The following DYRK1B variants were observed in gnomAD, a reference collection of about 807,000 sequenced individuals.
DYRK1B encodes the protein dual specificity tyrosine-phosphorylation-regulated kinase 1B.
In DYRK1B, 20 loss-of-function variants were observed where a neutral mutation model predicts 57.1. The observed-to-expected ratio is 0.35, with a 90% CI of 0.25 to 0.51. DYRK1B has a LOEUF of 0.51. DYRK1B is among the 20% of genes least tolerant of loss of function. The pLI is 0.96. For synonymous variants in DYRK1B, 409 were observed against 384.7 expected (o/e 1.06, Z -0.74); for missense variants, 732 against 886.3 (o/e 0.83, Z 2.21).
At chr19:39,833,491 G>C in intron 1 of DYRK1B, 1 of 302,118 alleles carries the variant, frequency 3.3e-6, no homozygotes, top group Non-Finnish European at 4.9e-6. Flanking sequence ...GGGGACAAGG[G>C]TCAGCCCAGG....
intron 4 of DYRK1B, 100 bp downstream of exon 4, chr19:39,830,275 G>C: frequency 6.8e-7 from 1 of 1,473,118 alleles, no homozygotes. Flanking sequence ...AAGTGGGCTA[G>C]GGTGAGTGGC....
At position 39,826,603 on chromosome 19, in the gene DYRK1B, TC is replaced by T; in HGVS notation, c.1411+68del. The stretch of plus-strand genomic sequence containing the variant: ...TTTGTGTGAAGACCCAGTAACCAGG[TC>T]CCCCAGGACAGGCCAAACCTGAGCA... On this transcript the variant is annotated intron_variant, in intron 9 of 10. Coordinates refer to ENST00000323039, the MANE Select transcript of DYRK1B (RefSeq NM_004714.3). This position sits in a 1 kb window ranked among gnomAD's most constrained non-coding sequence, Gnocchi z 6.3. The T allele has an allele frequency of 1.4e-6, 2 of 1,438,038 alleles. No individual in the cohort carries two copies. Among genetic ancestry groups the T allele is most frequent in the Non-Finnish European group, 1.8e-6 (2 of 1,089,162 alleles). The allele number at this position is 1,438,038 out of a possible 1,614,324, so 89.1% of individuals were successfully genotyped here.
intron 2 of DYRK1B, 91 bp downstream of exon 2, chr19:39,831,714 T>C: frequency 6.7e-7 from 1 of 1,488,734 alleles, no homozygotes; most frequent in Non-Finnish European, 9.1e-7. Context: ...AAGAATGTCT[T>C]GGGCAACCAC....
rs1214558246 is a variant in DYRK1B at position 39,828,187 on chromosome 19, C to T, written c.807+110G>A. ...CCACCCCAAGCATTATCCCTCAGTT[C>T]CCACGGCTCCTAATAATCCCATCCC... On this transcript the variant is annotated intron_variant, in intron 6 of 10. Coordinates refer to ENST00000323039, the MANE Select transcript of DYRK1B (RefSeq NM_004714.3). This position sits in a 1 kb window ranked among gnomAD's most constrained non-coding sequence, Gnocchi z 4.3. 7.2e-6 allele frequency: 9 copies of T among 1,244,078 alleles called. No homozygotes were observed. Among genetic ancestry groups the T allele is most frequent in the African/African-American group, 1.5e-5 (1 of 67,278 alleles). 77.1% of individuals were successfully genotyped at this position (1,244,078 alleles called of 1,614,324 possible).
At chr19:39,831,676 A>G in intron 2 of DYRK1B, 129 bp downstream of exon 2, 1 of 1,211,836 alleles carries the variant, frequency 8.3e-7, no homozygotes, top group South Asian at 1.4e-5. Flanking sequence ...GTTATTTTCC[A>G]ATCCCATGGG....
Position 39,828,650 on chromosome 19 carries a change from G to T in DYRK1B, c.521-67C>A. Reference sequence around the variant, plus strand: ...CAGAGAGGGCAGGTGGTGGCCTGGGGTCATACAACGCTCTTTGATTACTAG... The same window carrying T: ...CAGAGAGGGCAGGTGGTGGCCTGGGTTCATACAACGCTCTTTGATTACTAG... On this transcript the variant is annotated intron_variant, in intron 5 of 10. Coordinates refer to ENST00000323039, the MANE Select transcript of DYRK1B (RefSeq NM_004714.3). The surrounding 1 kb of genome is among the most constrained non-coding windows in gnomAD (Gnocchi z 4.3). The T allele has an allele frequency of 1.3e-6, 2 of 1,493,956 alleles. No individual in the cohort carries two copies. Among genetic ancestry groups the T allele is most frequent in the Non-Finnish European group, 1.8e-6 (2 of 1,100,422 alleles). 92.5% of individuals were successfully genotyped at this position (1,493,956 alleles called of 1,614,324 possible).
rs770439991 is a variant in DYRK1B, at chr19:39,826,208, A to T, written c.1490T>A (p.Ile497Asn). 1.9e-6 allele frequency: 3 copies of T among 1,575,188 alleles called. No homozygotes were observed. The highest frequency in any genetic ancestry group is 1.7e-6 in the Non-Finnish European group (2 of 1,162,968). Reference protein sequence around the residue: ...NRYCGGPGPPITDCEMNSPQV... With the variant: ...NRYCGGPGPPNTDCEMNSPQV... ...GGGGCTGTTCATCTCACAGTCTGTGATAGGGGGCCCAGGGCCCCCACAATA... is the reference window on the plus strand; with the variant it reads ...GGGGCTGTTCATCTCACAGTCTGTGTTAGGGGGCCCAGGGCCCCCACAATA... Residue 497 changes from isoleucine (I) to asparagine (N), a missense_variant, in exon 10 of 11, where the codon ATC becomes AAC. Physicochemically the swap from Ile to Asn is moderately radical, Grantham distance 149. Around this residue, in one of 2 missense-constraint regions of DYRK1B, gnomAD observed 222 missense variants for 205.0 expected, o/e 1.08. Transcript: ENST00000323039. This position sits in a 1 kb window ranked among gnomAD's most constrained non-coding sequence, Gnocchi z 6.3.
At chr19:39,830,312 C>CCA in intron 4 of DYRK1B, 63 bp downstream of exon 4, 1 of 1,602,398 alleles carries the variant, frequency 6.2e-7, no homozygotes, top group Non-Finnish European at 8.5e-7. Flanking sequence ...AGCCACTGAA[C>CCA]CACTGGGTGT....
chr19:39,832,141 G>T (rs112196855), intron 1 of DYRK1B, among the ~76,000 whole-genome samples, 173 bp from the exon 2 acceptor site: 1 of 126,184 alleles, frequency 7.9e-6, no homozygotes, highest in Non-Finnish European at 1.8e-5. Context: ...AGCCAGGTGG[G>T]GGGGGATGGC....
At position 39,828,210 on chromosome 19, in the gene DYRK1B, C is replaced by T. The variant is rs1968628995; in HGVS notation, c.807+87G>A. The T allele has an allele frequency of 6.9e-7, 1 of 1,450,890 alleles. No homozygotes were observed. The highest frequency in any genetic ancestry group is 9.4e-7 in the Non-Finnish European group (1 of 1,069,156). The allele number at this position is 1,450,890 out of a possible 1,614,324, so 89.9% of individuals were successfully genotyped here. On this transcript the variant is annotated intron_variant, in intron 6 of 10. Coordinates refer to ENST00000323039, the MANE Select transcript of DYRK1B (RefSeq NM_004714.3). This position sits in a 1 kb window ranked among gnomAD's most constrained non-coding sequence, Gnocchi z 4.3. ...TTCCCACGGCTCCTAATAATCCCAT[C>T]CCAGCCAAGCCCCGCCCCTAAGCCT... is the stretch of plus-strand genomic sequence containing the variant.
rs1968675577 is a variant in DYRK1B, at chr19:39,828,930, T to C, written c.521-347A>G. On this transcript the variant is annotated intron_variant, in intron 5 of 10. Coordinates refer to ENST00000323039, the MANE Select transcript of DYRK1B (RefSeq NM_004714.3). This position sits in a 1 kb window ranked among gnomAD's most constrained non-coding sequence, Gnocchi z 4.3. ...ACTGGTTTTCCGTTTACTTTAAGGATATACGTTTTCCTTTCAAACGAAACC... is the reference window on the plus strand; with the variant it reads ...ACTGGTTTTCCGTTTACTTTAAGGACATACGTTTTCCTTTCAAACGAAACC... Among the ~76,000 whole-genome samples the C allele has an allele frequency of 6.6e-6, 1 of 151,922 alleles. No homozygotes were observed. Among genetic ancestry groups the C allele is most frequent in the Non-Finnish European group, 1.5e-5 (1 of 68,048 alleles).
Position 39,826,325 on chromosome 19 carries a change from T to C in DYRK1B, c.1412-39A>G, listed in dbSNP as rs766617334. ...GGAGGAGAGGTGAAGGGGCATAAGG[T>C]GAGAGAAGGTGGCGAGTGGGTTTTG... On this transcript the variant is annotated intron_variant, in intron 9 of 10. Transcript: ENST00000323039. The surrounding 1 kb of genome is among the most constrained non-coding windows in gnomAD (Gnocchi z 6.3). The C allele has an allele frequency of 1.3e-6, 2 of 1,481,612 alleles. No homozygotes were observed. The highest frequency in any genetic ancestry group is 1.8e-6 in the Non-Finnish European group (2 of 1,105,262). The allele number at this position is 1,481,612 out of a possible 1,614,324, so 91.8% of individuals were successfully genotyped here. A position where few individuals can be genotyped will look rare whatever the true frequency, so the allele number is the denominator to read the frequency against.
rs779778950 is a variant in DYRK1B, at chr19:39,828,345, G to A, written c.759C>T (p.Ser253=). ...ENILLCNPKR[S]AIKIVDFGSS... is the part of the protein sequence containing the mutation. ...TGCCGAAGTCCACAATCTTGATGGC[G>A]CTGCGCTTGGGGTTGCACAGCAAGA... The change falls in exon 6 of 11, where the codon AGC becomes AGT. Residue 253 remains serine (S), a synonymous_variant. Coordinates refer to ENST00000323039, the MANE Select transcript of DYRK1B (RefSeq NM_004714.3). The surrounding 1 kb of genome is among the most constrained non-coding windows in gnomAD (Gnocchi z 4.3). 46 of 1,614,056 alleles carry A rather than the reference G, an allele frequency of 2.8e-5. No homozygotes were observed. In the East Asian group the frequency reaches 3.6e-4, roughly 13 times the overall value.
chr19:39,827,197 C>G, intron 8 of DYRK1B, 88 bp downstream of exon 8: 1 of 1,481,742 alleles, frequency 6.7e-7, no homozygotes, highest in Admixed American at 2.1e-5. Context: ...AAGGGAAAGA[C>G]ACAAGGGAGA....
At chr19:39,827,252 G>A (rs907059459) in intron 8 of DYRK1B, 33 bp downstream of exon 8, 7 of 1,586,550 alleles carry the variant, frequency 4.4e-6, no homozygotes, top group Non-Finnish European at 6.0e-6. Context: ...GGGGCCACGG[G>A]GTGGGAGGAG....
In DYRK1B at chr19:39,825,534, G is replaced by A; in HGVS notation, c.*181C>T. The A allele has an allele frequency of 1.6e-6, 1 of 620,974 alleles. No homozygotes were observed. Among genetic ancestry groups the A allele is most frequent in the Non-Finnish European group, 2.8e-6 (1 of 357,616 alleles). The allele number at this position is 620,974 out of a possible 1,614,324, so 38.5% of individuals were successfully genotyped here. On this transcript the variant is annotated 3_prime_UTR_variant, in exon 11 of 11. Coordinates refer to ENST00000323039, the MANE Select transcript of DYRK1B (RefSeq NM_004714.3). ...GGCCCAAGGGTCCAGTCCTTAGTGGGGAGGGAGCGGCCAAAACCCTCTCCT... is the reference window on the plus strand; with the variant it reads ...GGCCCAAGGGTCCAGTCCTTAGTGGAGAGGGAGCGGCCAAAACCCTCTCCT...
At chr19:39,829,836 C>G in intron 5 of DYRK1B, 44 bp downstream of exon 5, 3 of 1,602,648 alleles carry the variant, frequency 1.9e-6, no homozygotes. Flanking sequence ...GCTCCAGCTC[C>G]CGCTATCCCA....
In DYRK1B at chr19:39,828,272, C is replaced by T; in HGVS notation, c.807+25G>A. ...TGCCCCACCCAAACTACTAGCCGTG[C>T]TCCCAGGACCGGGCCGCCCCCTACC... On this transcript the variant is annotated intron_variant, in intron 6 of 10. Coordinates refer to ENST00000323039, the MANE Select transcript of DYRK1B (RefSeq NM_004714.3). This position sits in a 1 kb window ranked among gnomAD's most constrained non-coding sequence, Gnocchi z 4.3. 1 of 1,610,320 alleles carries T rather than the reference C, an allele frequency of 6.2e-7. No homozygotes were observed. Among genetic ancestry groups the T allele is most frequent in the Non-Finnish European group, 8.5e-7 (1 of 1,178,238 alleles).
At chr19:39,830,242 G>C (rs1968744285) in intron 4 of DYRK1B, 133 bp downstream of exon 4, 4 of 1,258,082 alleles carry the variant, frequency 3.2e-6, no homozygotes, top group Admixed American at 4.6e-5. Flanking sequence ...TTACAGAAAA[G>C]GCGACTGAGG....
Sources: gnomAD v4.1 joint callset for allele counts (sites outside exome capture counted in the v4.1 genomes callset) on GRCh38, gnomAD v4.1.1 for gene constraint, gnomAD v4.1.1 regional missense constraint, Gnocchi (gnomAD v3.1) non-coding constraint, MANE v1.5 for transcripts, NCBI Gene and HGNC (gene_info 2026-07-23, HGNC 2026-07-21) for gene names.